Variants in PHF8 observed in about 807,000 individuals in gnomAD.
PHF8 encodes the protein PHD finger protein 8.
A neutral mutation model predicts 74.4 loss-of-function variants in PHF8; 9 were observed. That is an observed-to-expected ratio of 0.12 (90% CI 0.07 to 0.21). PHF8 has a LOEUF of 0.21. PHF8 is among the 10% of genes least tolerant of loss of function. The probability of loss-of-function intolerance (pLI) is 1.00; values close to 1 mark genes in which losing one functional copy is unlikely to be tolerated. For synonymous variants in PHF8, 311 were observed against 316.6 expected, an observed-to-expected ratio of 0.98 and a Z score of 0.19; for missense variants, 478 against 816.6, an observed-to-expected ratio of 0.59 and a Z score of 5.05.
At chrX:54,008,635 G>A (rs1281472665) in intron 8 of PHF8, among the ~76,000 whole-genome samples, 7 of 108,573 alleles carry the variant, frequency 6.4e-5, no homozygotes, top group Admixed American at 6.0e-4. Context: ...AGGTTGCAGT[G>A]AGCCAAGATC....
chrX:54,043,147 T>A, intron 1 of PHF8: 1 of 808,046 alleles, frequency 1.2e-6, no homozygotes, highest in Non-Finnish European at 1.5e-6. Context: ...CATCTCTCAC[T>A]GAACCCTCCC....
chrX:53,985,721 A>G, intron 17 of PHF8, 95 bp downstream of exon 17: 1 of 1,185,914 alleles, frequency 8.4e-7, no homozygotes, highest in Non-Finnish European at 1.1e-6. Context: ...AAATAGCTCT[A>G]TAAATATCTA....
chrX:54,036,090 G>A (rs1311343859), intron 2 of PHF8, among the ~76,000 whole-genome samples: 8 of 68,584 alleles, frequency 1.2e-4, no homozygotes, highest in Non-Finnish European at 2.1e-4. Flanking sequence ...CAACAAGAGC[G>A]AAACTCCATC....
At position 53,986,311 on chromosome X, in the gene PHF8, G is replaced by A. The variant is rs181055254; in HGVS notation, c.1996-362C>T. On this transcript the variant is annotated intron_variant, in intron 16 of 21. Coordinates refer to ENST00000338154, the MANE Select transcript of PHF8 (RefSeq NM_015107.3). ...GGCTGGAGTGCAGTGGCACGATCTC[G>A]GCTCGCTGCAACCTCTGCCTCCTGG... Among the ~76,000 whole-genome samples, 12 of 112,557 alleles carry A rather than the reference G, an allele frequency of 1.1e-4. No individual in the cohort carries two copies. In the East Asian group the frequency reaches 3.1e-3, roughly 29 times the overall value.
intron 14 of PHF8, among the ~76,000 whole-genome samples, chrX:53,989,043 C>T (rs1293570611): frequency 9.2e-6 from 1 of 108,290 alleles, no homozygotes; most frequent in Non-Finnish European, 1.9e-5. Flanking sequence ...CTCACTAAAA[C>T]CTCCCGCCTC....
At chrX:54,021,081 T>C (rs782380262) in intron 4 of PHF8, among the ~76,000 whole-genome samples, 68 of 112,472 alleles carry the variant, frequency 6.0e-4, no homozygotes, top group Middle Eastern at 9.3e-3. Context: ...GTGTGGTACA[T>C]ATATATCATG....
At chrX:54,003,365 T>C (rs782601329) in intron 8 of PHF8, among the ~76,000 whole-genome samples, 1 of 111,879 alleles carries the variant, frequency 8.9e-6, no homozygotes, top group African/African-American at 3.2e-5. Context: ...ATATCTAAAA[T>C]ATAAATTAGG....
intron 14 of PHF8, among the ~76,000 whole-genome samples, chrX:53,989,307 C>T (rs2065622157): frequency 9.0e-6 from 1 of 111,313 alleles, no homozygotes; most frequent in African/African-American, 3.3e-5. Context: ...TACCACTTTA[C>T]ATCCACCGGA....
chrX:53,975,855 A>G (rs781823359), intron 18 of PHF8, among the ~76,000 whole-genome samples: 110 of 112,220 alleles, frequency 9.8e-4, no homozygotes, highest in African/African-American at 3.4e-3. Context: ...CAAAACAGCT[A>G]GAAGAGAATT....
chrX:54,035,839 C>T (rs932212734), intron 2 of PHF8, among the ~76,000 whole-genome samples: 3 of 110,420 alleles, frequency 2.7e-5, no homozygotes, highest in African/African-American at 9.9e-5. Context: ...AGGCCGAGTG[C>T]AGTGGCTCAC....
At chrX:53,952,239 A>C (rs1045703064) in intron 19 of PHF8, among the ~76,000 whole-genome samples, 1 of 107,494 alleles carries the variant, frequency 9.3e-6, no homozygotes, top group Non-Finnish European at 1.9e-5. Flanking sequence ...AGCTGAAATC[A>C]TGCCATTGCA....
intron 6 of PHF8, among the ~76,000 whole-genome samples, chrX:54,016,087 A>G (rs2066062804): frequency 9.0e-6 from 1 of 111,695 alleles, no homozygotes; most frequent in African/African-American, 3.3e-5. Context: ...AATCTATCCA[A>G]TGCTAGAAAC....
intron 16 of PHF8, among the ~76,000 whole-genome samples, chrX:53,986,599 C>T (rs2065569801): frequency 8.9e-6 from 1 of 112,202 alleles, no homozygotes; most frequent in African/African-American, 3.2e-5. Flanking sequence ...TTGAAATCTT[C>T]CATTTATATG....
rs782566828 is a variant in PHF8, at chrX:54,012,999, TC to T, written c.783+1377del. 3.2e-3 allele frequency among the ~76,000 whole-genome samples: 345 copies of T among 107,484 alleles called. 1 individual carries two copies. The highest frequency in any genetic ancestry group is 0.011 in the African/African-American group (331 of 29,534). 93.3% of individuals were successfully genotyped at this position (107,484 alleles called of 115,157 possible). Reference sequence around the variant, plus strand: ...TGGGAGTGATGGCATGCACCTATAGTCCCAGCTACTCAGGAGGCTGAGGTGG... The same window carrying T: ...TGGGAGTGATGGCATGCACCTATAGTCCAGCTACTCAGGAGGCTGAGGTGG... On this transcript the variant is annotated intron_variant, in intron 7 of 21. Coordinates refer to ENST00000338154, the MANE Select transcript of PHF8 (RefSeq NM_015107.3).
intron 8 of PHF8, among the ~76,000 whole-genome samples, chrX:54,009,844 G>GGAAAAAAAAAAAAAAAAAAAAAAAAAAAA (rs2065952773): frequency 2.1e-4 from 2 of 9,390 alleles, no homozygotes; most frequent in Non-Finnish European, 4.5e-4. Flanking sequence ...CTCTGTCTCA[G>GGAAAAAAAAAAAAAAAAAAAAAAAAAAAA]AAAAAAAAAA....
intron 18 of PHF8, among the ~76,000 whole-genome samples, chrX:53,980,486 C>T (rs782227636): frequency 1.8e-5 from 2 of 111,223 alleles, no homozygotes; most frequent in South Asian, 7.6e-4. Context: ...CTGCCAGCAC[C>T]TTGATCTTCA....
At chrX:53,948,448 T>G (rs1313043574) in intron 19 of PHF8, among the ~76,000 whole-genome samples, 1 of 110,466 alleles carries the variant, frequency 9.1e-6, no homozygotes, top group Non-Finnish European at 1.9e-5. Context: ...AATTTTTGTA[T>G]TTTTAGTAGA....
chrX:53,976,887 C>A (rs1478682236), intron 18 of PHF8, among the ~76,000 whole-genome samples: 4 of 111,730 alleles, frequency 3.6e-5, no homozygotes, highest in Middle Eastern at 4.6e-3. Flanking sequence ...TGGACCAATT[C>A]CTTGAAAGAT....
chrX:54,048,219 A>AGAT (rs2066642637), upstream of PHF8, among the ~76,000 whole-genome samples: 1 of 109,306 alleles, frequency 9.1e-6, no homozygotes, highest in Non-Finnish European at 1.9e-5. Context: ...TAAAGCCCTA[A>AGAT]GATGGGGGCA....
Sources: allele counts gnomAD v4.1 joint callset (sites outside exome capture counted in the v4.1 genomes callset), GRCh38; gene constraint gnomAD v4.1.1; transcripts MANE v1.5; gene names NCBI Gene and HGNC (gene_info 2026-07-23, HGNC 2026-07-21).